MYLK: variants seen among roughly 807,000 people sequenced by gnomAD.
MYLK encodes myosin light chain kinase.
Under a neutral mutation model 203.4 loss-of-function variants are expected in MYLK, and 106 were observed. That is an observed-to-expected ratio of 0.52 (90% CI 0.45 to 0.61). The LOEUF is 0.61. Among genes scored for constraint, MYLK ranks in the 20% least tolerant of loss-of-function variants. The probability of loss-of-function intolerance (pLI) is 0.00; values close to 1 mark genes in which losing one functional copy is unlikely to be tolerated. For synonymous variants in MYLK, 867 were observed against 959.5 expected (o/e 0.90, Z 1.78); for missense variants, 2,072 against 2,442.3 (o/e 0.85, Z 3.20).
At chr3:123,871,546 TATAA>T (rs1169711371) in intron 2 of MYLK, among the ~76,000 whole-genome samples, 1 of 152,200 alleles carries the variant, frequency 6.6e-6, no homozygotes, top group East Asian at 1.9e-4. Context: ...TATGAACATT[TATAA>T]ATATTCTGTC....
chr3:123,657,526 G>T, intron 23 of MYLK, 98 bp from the exon 24 acceptor site: 2 of 1,258,666 alleles, frequency 1.6e-6, no homozygotes, highest in Non-Finnish European at 2.2e-6. Flanking sequence ...GCAGCCTAGA[G>T]AACCCAATCC....
At chr3:123,821,008 C>T (rs746084460) in intron 3 of MYLK, among the ~76,000 whole-genome samples, 13 of 152,128 alleles carry the variant, frequency 8.5e-5, no homozygotes, top group African/African-American at 1.7e-4. Context: ...GGATTACAGG[C>T]GTGAGCCACC....
At chr3:123,850,772 G>A (rs1460771759) in intron 2 of MYLK, among the ~76,000 whole-genome samples, 1 of 151,778 alleles carries the variant, frequency 6.6e-6, no homozygotes, top group Non-Finnish European at 1.5e-5. Context: ...GTCAATTTTG[G>A]CTTTTGTTGC....
intron 27 of MYLK, among the ~76,000 whole-genome samples, chr3:123,644,850 C>T (rs577836913): frequency 1.7e-4 from 26 of 152,264 alleles, no homozygotes; most frequent in Admixed American, 1.4e-3. Flanking sequence ...TTCTTCACCG[C>T]GTCTTTTATG....
chr3:123,883,701 C>T (rs1197985946), intron 1 of MYLK, among the ~76,000 whole-genome samples: 1 of 152,180 alleles, frequency 6.6e-6, no homozygotes, highest in East Asian at 1.9e-4. Flanking sequence ...AGGTAAGGAG[C>T]TTAAATGAGG....
At chr3:123,872,603 T>G (rs894106743) in intron 2 of MYLK, among the ~76,000 whole-genome samples, 3 of 152,302 alleles carry the variant, frequency 2.0e-5, no homozygotes, top group African/African-American at 7.2e-5. Flanking sequence ...AGAGCCCTCT[T>G]TCCTTATATT....
intron 24 of MYLK, among the ~76,000 whole-genome samples, chr3:123,656,776 C>A (rs1255873155): frequency 6.6e-6 from 1 of 152,244 alleles, no homozygotes; most frequent in East Asian, 1.9e-4. Context: ...GAATCTGACA[C>A]CAAGTAGACA....
At chr3:123,770,156 C>CA (rs59411359) in intron 4 of MYLK, among the ~76,000 whole-genome samples, 2,159 of 83,938 alleles carry the variant, frequency 0.026, 27 homozygotes, top group African/African-American at 0.041. Flanking sequence ...ACTAAAAATA[C>CA]AAAAAAAAAA....
chr3:123,657,258 T>C lies in MYLK; in HGVS notation c.4156A>G (p.Ser1386Gly). The change falls in exon 24 of 34, where the codon AGC becomes GGC. Residue 1386 changes from serine to glycine, a missense_variant. Ser to Gly is a moderately conservative substitution (Grantham distance 56). Around this residue, in one of 3 missense-constraint regions of MYLK, gnomAD observed 524 missense variants for 782.4 expected, o/e 0.67. Transcript: ENST00000360304. The part of the protein sequence containing the change: ...KTWKELATCR[S>G]TSFNVQDLLP... The stretch of plus-strand genomic sequence containing the variant: ...AGGTCCTGGACGTTGAAAGAGGTGC[T>C]GCGGCATGTGGCTAGTTCCTTCCAC... The C allele has an allele frequency of 6.2e-7, 1 of 1,614,182 alleles. No homozygotes were observed.
Position 123,666,327 on chromosome 3 carries a change from G to A in MYLK, c.3723C>T (p.Ile1241=). ...PPKAAMPPQI[I]QFPEDQKVRA... ...GTACCTTCTGGTCCTCAGGGAACTG[G>A]ATGATCTGAGGGGGCATTGCTGAGG... The change falls in exon 22 of 34, where the codon ATC becomes ATT. Residue 1241 remains isoleucine (I), a synonymous_variant. Transcript: ENST00000360304. 1 of 1,614,230 alleles carries A rather than the reference G, an allele frequency of 6.2e-7. No homozygotes were observed. The highest frequency in any genetic ancestry group is 8.5e-7 in the Non-Finnish European group (1 of 1,180,046).
intron 24 of MYLK, among the ~76,000 whole-genome samples, chr3:123,654,090 T>C (rs1238429682): frequency 6.6e-6 from 1 of 151,566 alleles, no homozygotes; most frequent in African/African-American, 2.4e-5. Context: ...TGGGAGTGGC[T>C]AGTGGTTGGG....
chr3:123,646,799 C>T (rs986827445), intron 27 of MYLK, among the ~76,000 whole-genome samples: 1 of 152,188 alleles, frequency 6.6e-6, no homozygotes, highest in African/African-American at 2.4e-5. Flanking sequence ...GGATTTCAAG[C>T]CCCCAGCCAG....
At chr3:123,701,372 G>T in intron 17 of MYLK, 66 bp downstream of exon 17, 1 of 1,531,994 alleles carries the variant, frequency 6.5e-7, no homozygotes, top group Non-Finnish European at 9.0e-7. Context: ...GGCTGGAGCT[G>T]CCGGGGCCAG....
At chr3:123,759,868 T>C (rs904189432) in intron 4 of MYLK, among the ~76,000 whole-genome samples, 17 of 152,138 alleles carry the variant, frequency 1.1e-4, no homozygotes, top group African/African-American at 4.1e-4. Context: ...ATATATACAG[T>C]GAAGAGAAGA....
In MYLK at chr3:123,752,327, T is replaced by C. The variant is rs370148607; in HGVS notation, c.373+4A>G. The C allele has an allele frequency of 1.2e-6, 2 of 1,613,898 alleles. No individual in the cohort carries two copies. Among genetic ancestry groups the C allele is most frequent in the Non-Finnish European group, 8.5e-7 (1 of 1,180,024 alleles). Reference sequence around the variant, plus strand: ...CTCCTGGACTCGGGCCTCCTGGGACTCACCTTCTACTGTCAACTCCACTGT... The same window carrying C: ...CTCCTGGACTCGGGCCTCCTGGGACCCACCTTCTACTGTCAACTCCACTGT... On this transcript the variant is annotated splice_donor_region_variant and intron_variant, in intron 5 of 33. Coordinates refer to ENST00000360304, the MANE Select transcript of MYLK (RefSeq NM_053025.4).
intron 2 of MYLK, among the ~76,000 whole-genome samples, chr3:123,843,577 C>A (rs2066644650): frequency 1.3e-5 from 2 of 152,114 alleles, no homozygotes; most frequent in Admixed American, 1.3e-4. Flanking sequence ...AAGAAAAGGG[C>A]CTGAAAAAGA....
chr3:123,620,514 T>G, intron 31 of MYLK, 178 bp from the exon 32 acceptor site: 4 of 1,470,806 alleles, frequency 2.7e-6, no homozygotes, highest in Non-Finnish European at 3.6e-6. Context: ...TGCTCAGCAC[T>G]GTCAGTGTGT....
chr3:123,644,734 G>GA (rs2058954624), intron 27 of MYLK, among the ~76,000 whole-genome samples: 1 of 152,228 alleles, frequency 6.6e-6, no homozygotes, highest in Non-Finnish European at 1.5e-5. Flanking sequence ...GGGCTATTGT[G>GA]AGGGTGTAAA....
chr3:123,775,166 T>C (rs2064026130), intron 4 of MYLK, among the ~76,000 whole-genome samples: 2 of 152,106 alleles, frequency 1.3e-5, no homozygotes, highest in Admixed American at 1.3e-4. Context: ...GGGACTACAG[T>C]TGCATACCAC....
Sources: gnomAD v4.1 joint callset for allele counts (sites outside exome capture counted in the v4.1 genomes callset) on GRCh38, gnomAD v4.1.1 for gene constraint, gnomAD v4.1.1 regional missense constraint, MANE v1.5 for transcripts, NCBI Gene and HGNC (gene_info 2026-07-23, HGNC 2026-07-21) for gene names.